DTNA: variants seen among roughly 807,000 people sequenced by gnomAD.
The protein encoded by DTNA is dystrobrevin alpha.
Under a neutral mutation model 100.7 loss-of-function variants are expected in DTNA, and 43 were observed. The ratio of observed to expected loss-of-function variants is 0.43; its 90% CI spans 0.33 to 0.55. The LOEUF (loss-of-function observed/expected upper bound fraction) is 0.55, where lower values mean the gene tolerates loss of function less well. Ranked by LOEUF, DTNA falls within the 20% of genes least tolerant of loss-of-function variation. DTNA has a pLI of 0.04. For missense variants in DTNA, 798 were observed against 953.9 expected (o/e 0.84, Z 2.15); for synonymous variants, 349 against 347.9 (o/e 1.00, Z -0.04).
chr18:34,667,557 G>A (rs1009306543), intron 1 of DTNA, among the ~76,000 whole-genome samples: 15 of 152,084 alleles, frequency 9.9e-5, no homozygotes, highest in Non-Finnish European at 1.8e-4. Context: ...ATTGGCTGTG[G>A]GTTTGTCATA....
At position 34,579,766 on chromosome 18, in the gene DTNA, T is replaced by C. The variant is rs368219370; in HGVS notation, c.-2+86252T>C. ...TGCCTCAACGTGTTGTTGGTGGTGG[T>C]GGAGTTTGTTTTGTTTGTTTAGTTG... On this transcript the variant is annotated intron_variant, in intron 1 of 19. Coordinates refer to the DTNA transcript ENST00000283365. Among the ~76,000 whole-genome samples, 9 of 152,302 alleles carry C rather than the reference T, an allele frequency of 5.9e-5. No individual in the cohort carries two copies. In the East Asian group the frequency reaches 1.7e-3, roughly 29 times the overall value.
intron 1 of DTNA, among the ~76,000 whole-genome samples, chr18:34,535,184 T>TGAA (rs1420494724): frequency 2.6e-5 from 4 of 152,160 alleles, no homozygotes; most frequent in Admixed American, 6.5e-5. Context: ...TAATTGTCAT[T>TGAA]CTAACTGGTG....
intron 3 of DTNA, among the ~76,000 whole-genome samples, chr18:34,777,233 C>T (rs986330231): frequency 6.6e-6 from 1 of 152,130 alleles, no homozygotes; most frequent in Non-Finnish European, 1.5e-5. Flanking sequence ...ACTGACATAT[C>T]CCCCATACCT....
chr18:34,641,954 G>A (rs1415567591), intron 1 of DTNA, among the ~76,000 whole-genome samples: 3 of 152,184 alleles, frequency 2.0e-5, no homozygotes, highest in Non-Finnish European at 4.4e-5. Context: ...TTATGGCACA[G>A]CATAACCCAC....
At chr18:34,867,200 C>A in intron 17 of DTNA, 1 of 1,231,302 alleles carries the variant, frequency 8.1e-7, no homozygotes, top group South Asian at 4.1e-5. Flanking sequence ...TTCTATTATT[C>A]ATTATGTGTG....
chr18:34,645,567 T>C (rs1448825784), intron 1 of DTNA, among the ~76,000 whole-genome samples: 1 of 152,092 alleles, frequency 6.6e-6, no homozygotes, highest in Non-Finnish European at 1.5e-5. Context: ...ATATAGAAGA[T>C]AGAGAATAAA....
chr18:34,598,877 T>G (rs996929354), intron 1 of DTNA, among the ~76,000 whole-genome samples: 177 of 152,020 alleles, frequency 1.2e-3, no homozygotes, highest in African/African-American at 4.2e-3. Flanking sequence ...AAAAAAAAAT[T>G]TAAGGCCTTG....
intron 11 of DTNA, 67 bp downstream of exon 11, chr18:34,829,556 T>C (rs1406326045): frequency 7.2e-7 from 1 of 1,390,042 alleles, no homozygotes; most frequent in South Asian, 1.6e-5. Context: ...TAAGTCATTC[T>C]ACTCTGGCAC....
chr18:34,726,763 C>A (rs1450632312), intron 1 of DTNA, among the ~76,000 whole-genome samples: 1 of 152,230 alleles, frequency 6.6e-6, no homozygotes, highest in East Asian at 1.9e-4. Flanking sequence ...TGTGGCTTTC[C>A]AGGCTCAGGA....
Position 34,881,658 on chromosome 18 carries a change from A to G in DTNA, c.2163-411A>G, listed in dbSNP as rs533817106. On this transcript the variant is annotated intron_variant, in intron 20 of 22. Transcript: ENST00000444659. ...AAATGTCCTTAAGCATTATTTCACTAGAGGGCTCACTCTCCACACAGAAAG... is the reference window on the plus strand; with the variant it reads ...AAATGTCCTTAAGCATTATTTCACTGGAGGGCTCACTCTCCACACAGAAAG... Among the ~76,000 whole-genome samples the G allele has an allele frequency of 1.5e-4, 23 of 152,224 alleles. No homozygotes were observed. The South Asian group carries it at 4.8e-3, about 32-fold the overall frequency.
At chr18:34,634,362 C>A (rs1465485293) in intron 1 of DTNA, among the ~76,000 whole-genome samples, 1 of 151,986 alleles carries the variant, frequency 6.6e-6, no homozygotes, top group Non-Finnish European at 1.5e-5. Context: ...TTTTTACTTA[C>A]CTATTAAGTC....
chr18:34,669,180 A>C (rs2076381278), intron 1 of DTNA, among the ~76,000 whole-genome samples: 1 of 152,192 alleles, frequency 6.6e-6, no homozygotes, highest in Non-Finnish European at 1.5e-5. Flanking sequence ...CCATTATGTA[A>C]TGGCCTTCTT....
chr18:34,624,435 A>G (rs1277326467), intron 1 of DTNA, among the ~76,000 whole-genome samples: 1 of 151,978 alleles, frequency 6.6e-6, no homozygotes, highest in Non-Finnish European at 1.5e-5. Context: ...AAGATCTGAC[A>G]GCACAACTCA....
intron 1 of DTNA, among the ~76,000 whole-genome samples, chr18:34,518,704 C>CGTGTGTGTGTGTGT: frequency 8.2e-6 from 1 of 121,576 alleles, no homozygotes; most frequent in East Asian, 2.6e-4. Context: ...ATTTGGCAAA[C>CGTGTGTGTGTGTGT]GTGTGTGTGT....
At chr18:34,494,200 C>G (rs2038912557) in intron 1 of DTNA, among the ~76,000 whole-genome samples, 1 of 151,988 alleles carries the variant, frequency 6.6e-6, no homozygotes, top group Non-Finnish European at 1.5e-5. Flanking sequence ...GGTGGAGTGT[C>G]TACCTCCATT....
chr18:34,577,500 A>G (rs561558281), intron 1 of DTNA, among the ~76,000 whole-genome samples: 4 of 152,246 alleles, frequency 2.6e-5, no homozygotes, highest in South Asian at 4.1e-4. Context: ...ATTCTGTTAC[A>G]TGAGTAAGTT....
rs566313328 is a variant in DTNA at position 34,673,823 on chromosome 18, T to C, written c.-1-82153T>C. Reference sequence around the variant, plus strand: ...ACCTAAGTGATAAGGTACAACTTTTTATCCACTTCTATTGACGAAATATCA... The same window carrying C: ...ACCTAAGTGATAAGGTACAACTTTTCATCCACTTCTATTGACGAAATATCA... On this transcript the variant is annotated intron_variant, in intron 1 of 19. Transcript: ENST00000283365. Among the ~76,000 whole-genome samples, 13 of 152,360 alleles carry C rather than the reference T, an allele frequency of 8.5e-5. 1 individual carries two copies. The South Asian group carries it at 2.7e-3, about 32-fold the overall frequency.
Position 34,710,675 on chromosome 18 carries a change from A to AGT in DTNA, c.-2+255_-2+256dup, listed in dbSNP as rs113472325. Among the ~76,000 whole-genome samples, 4,418 of 147,878 alleles carry AGT rather than the reference A, an allele frequency of 0.03. 101 individuals carry two copies. The highest frequency in any genetic ancestry group is 0.058 in the African/African-American group (2,358 of 40,658). ...TTTTATGGCAGTGTGTGTGTGTGGG[A>AGT]GTGTGTGTGTGTGTGTGTGTGTGTG... On this transcript the variant is annotated intron_variant, in intron 1 of 22. Transcript: ENST00000444659.
chr18:34,664,980 T>C (rs1003335853), intron 1 of DTNA, among the ~76,000 whole-genome samples: 7 of 151,560 alleles, frequency 4.6e-5, no homozygotes, highest in African/African-American at 1.7e-4. Flanking sequence ...TATCTTCTTC[T>C]TCTTCTTTTT....
Sources: allele counts gnomAD v4.1 joint callset (sites outside exome capture counted in the v4.1 genomes callset), GRCh38; gene constraint gnomAD v4.1.1; transcripts MANE v1.5; gene names NCBI Gene and HGNC (gene_info 2026-07-23, HGNC 2026-07-21).